Variants in ARSG observed in about 807,000 individuals in gnomAD.
ARSG encodes the protein ASG.
Under a neutral mutation model 50.5 loss-of-function variants are expected in ARSG, and 37 were observed. The ratio of observed to expected loss-of-function variants is 0.73; its 90% confidence interval spans 0.56 to 0.96. ARSG has a LOEUF of 0.96. Ranked by LOEUF, ARSG falls within the 50% of genes least tolerant of loss-of-function variation. The pLI, the probability that ARSG is intolerant of heterozygous loss-of-function variation, is 0.00. For synonymous variants in ARSG, 225 were observed against 254.6 expected, an observed-to-expected ratio of 0.88 and a Z score of 1.11; for missense variants, 629 against 675.3, an observed-to-expected ratio of 0.93 and a Z score of 0.76.
chr17:68,326,517 T>C (rs2077510593), intron 2 of ARSG, among the ~76,000 whole-genome samples: 1 of 152,098 alleles, frequency 6.6e-6, no homozygotes, highest in Non-Finnish European at 1.5e-5. Context: ...ATACAAAAAT[T>C]AGCCAGGCGT....
intron 6 of ARSG, among the ~76,000 whole-genome samples, chr17:68,363,024 C>T (rs2079371639): frequency 1.3e-5 from 2 of 152,188 alleles, no homozygotes; most frequent in African/African-American, 4.8e-5. Context: ...GTGAATTAGA[C>T]ATGTCCAGTC....
downstream of ARSG, chr17:68,421,953 C>T (rs539924630): frequency 1.9e-5 from 21 of 1,103,858 alleles, no homozygotes; most frequent in South Asian, 1.1e-4. Flanking sequence ...TCTGTCTGAA[C>T]TCGCTCATGG....
intron 2 of ARSG, among the ~76,000 whole-genome samples, chr17:68,336,144 C>T (rs945866763): frequency 3.3e-5 from 5 of 151,562 alleles, no homozygotes; most frequent in Admixed American, 1.3e-4. Flanking sequence ...GGTGATCTGC[C>T]TGCCTCGGCC....
chr17:68,281,141 AG>A (rs1293930202), intron 1 of ARSG, among the ~76,000 whole-genome samples: 4 of 151,706 alleles, frequency 2.6e-5, no homozygotes, highest in Non-Finnish European at 4.4e-5. Context: ...AAAAAAAAAA[AG>A]AATGAAAAGA....
In ARSG at chr17:68,401,402, G is replaced by A; in HGVS notation, c.1255G>A (p.Ala419Thr). 1 of 1,614,068 alleles carries A rather than the reference G, an allele frequency of 6.2e-7. No individual in the cohort carries two copies. The highest frequency in any genetic ancestry group is 8.5e-7 in the Non-Finnish European group (1 of 1,179,926). The change falls in exon 11 of 12, where the codon GCC (alanine) becomes ACC (threonine). Residue 419 changes from alanine (A) to threonine (T), a missense_variant. By Grantham distance (58) the Ala-to-Thr change is moderately conservative. Coordinates refer to ENST00000621439, the MANE Select transcript of ARSG (RefSeq NM_001267727.2). ...CAGCGGGGCAGCTGGAGAGTTTGGA[G>A]CCCTGCAGACTGTCCGCCTGGAGCG... Reference protein sequence around the residue: ...PNSGAAGEFGALQTVRLERYK... With the variant: ...PNSGAAGEFGTLQTVRLERYK...
At chr17:68,298,313 A>G (rs1466517309) in intron 1 of ARSG, among the ~76,000 whole-genome samples, 1 of 152,016 alleles carries the variant, frequency 6.6e-6, no homozygotes, top group Non-Finnish European at 1.5e-5. Context: ...ATAAAATACC[A>G]TGGACTAGGC....
intron 1 of ARSG, among the ~76,000 whole-genome samples, chr17:68,270,313 T>C (rs1380952438): frequency 6.6e-6 from 1 of 152,026 alleles, no homozygotes; most frequent in African/African-American, 2.4e-5. Flanking sequence ...CCTAGTACTT[T>C]GGGAGGCCAA....
chr17:68,338,249 C>T (rs1226472145), intron 2 of ARSG, among the ~76,000 whole-genome samples: 1 of 152,158 alleles, frequency 6.6e-6, no homozygotes, highest in Non-Finnish European at 1.5e-5. Flanking sequence ...GTGTCCCACA[C>T]CTGTCTTTGG....
downstream of ARSG, chr17:68,426,253 G>GGGGGGGGGGGGT: frequency 7.1e-6 from 6 of 841,014 alleles, 1 homozygote; most frequent in East Asian, 3.4e-5. Flanking sequence ...GGGGAGCGGG[G>GGGGGGGGGGGGT]GCTCAAATAA....
chr17:68,295,747 T>C (rs1319497886), intron 1 of ARSG, among the ~76,000 whole-genome samples: 1 of 149,202 alleles, frequency 6.7e-6, no homozygotes, highest in Non-Finnish European at 1.5e-5. Flanking sequence ...TGGCGCGATC[T>C]TGGCTCACTG....
At chr17:68,446,091 C>T in the ARSG span, among the ~76,000 whole-genome samples, 11 of 152,226 alleles carry the variant, frequency 7.2e-5, no homozygotes, top group Non-Finnish European at 1.6e-4. Flanking sequence ...AAAAGCCTGC[C>T]CTGCTATTCC....
At chr17:68,337,683 T>C (rs2078085775) in intron 2 of ARSG, among the ~76,000 whole-genome samples, 2 of 152,160 alleles carry the variant, frequency 1.3e-5, no homozygotes, top group South Asian at 4.1e-4. Flanking sequence ...AATGGCACGG[T>C]CTCAGCTCAC....
chr17:68,259,827 T>C (rs112985402), intron 1 of ARSG, among the ~76,000 whole-genome samples: 4 of 152,336 alleles, frequency 2.6e-5, no homozygotes, highest in African/African-American at 9.6e-5. Flanking sequence ...AGTGCAGCTC[T>C]AGACCAGTAC....
At chr17:68,426,254 G>GGGGCCCCCCCCCCCCC, downstream of ARSG, 2 of 816,908 alleles carry the variant, frequency 2.4e-6, no homozygotes, top group Non-Finnish European at 1.9e-6. Flanking sequence ...GGGAGCGGGG[G>GGGGCCCCCCCCCCCCC]CTCAAATAAA....
chr17:68,335,063 C>T (rs922178848), intron 2 of ARSG, among the ~76,000 whole-genome samples: 1 of 152,114 alleles, frequency 6.6e-6, no homozygotes. Flanking sequence ...GTGGTGCGAT[C>T]ATGATTCACT....
intron 3 of ARSG, chr17:68,346,782 C>G: frequency 7.6e-7 from 1 of 1,307,776 alleles, no homozygotes; most frequent in Middle Eastern, 2.8e-4. Flanking sequence ...AGGGCCCCAG[C>G]GCGGGAGGGC....
chr17:68,296,328 G>A (rs2076206676), intron 1 of ARSG, among the ~76,000 whole-genome samples: 1 of 152,152 alleles, frequency 6.6e-6, no homozygotes, highest in African/African-American at 2.4e-5. Context: ...CTCCTGCTGT[G>A]TTTCTTGCCT....
At chr17:68,392,103 C>A (rs1214462310) in intron 9 of ARSG, among the ~76,000 whole-genome samples, 1 of 152,172 alleles carries the variant, frequency 6.6e-6, no homozygotes, top group South Asian at 2.1e-4. Flanking sequence ...ATGGTGCATG[C>A]GAAAGCCTGA....
downstream of ARSG, among the ~76,000 whole-genome samples, chr17:68,426,412 T>C: frequency 6.6e-6 from 1 of 152,212 alleles, no homozygotes; most frequent in Non-Finnish European, 1.5e-5. Flanking sequence ...GAATTTTTCT[T>C]TGTTGAGGTA....
Sources: allele counts gnomAD v4.1 joint callset (sites outside exome capture counted in the v4.1 genomes callset), GRCh38; gene constraint gnomAD v4.1.1; transcripts MANE v1.5; gene names NCBI Gene and HGNC (gene_info 2026-07-23, HGNC 2026-07-21).